Variants in PIGN observed in about 807,000 individuals in gnomAD.
PIGN encodes the protein GPI ethanolamine phosphate transferase 1.
A neutral mutation model predicts 125.4 loss-of-function variants in PIGN; 117 were observed. That is an observed-to-expected ratio of 0.93 (90% confidence interval 0.80 to 1.09). The LOEUF (loss-of-function observed/expected upper bound fraction) is 1.09. PIGN is among the 50% of genes least tolerant of loss of function. PIGN has a pLI of 0.00. For missense variants in PIGN, 1,075 were observed against 1,094.9 expected, an observed-to-expected ratio of 0.98 and a Z score of 0.26; for synonymous variants, 392 against 377.8, an observed-to-expected ratio of 1.04 and a Z score of -0.44.
chr18:62,183,004 G>A (rs1045887232), intron 1 of PIGN, among the ~76,000 whole-genome samples: 1 of 152,144 alleles, frequency 6.6e-6, no homozygotes, highest in African/African-American at 2.4e-5. Flanking sequence ...TTAGATAGAA[G>A]GAATAAGTTC....
chr18:62,049,409 A>T (rs1302102213), intron 30 of PIGN, among the ~76,000 whole-genome samples: 4 of 150,166 alleles, frequency 2.7e-5, no homozygotes, highest in Admixed American at 1.3e-4. Flanking sequence ...CTGGTGTGAG[A>T]TGGTATCTCA....
chr18:62,083,931 T>G (rs2033568642), intron 27 of PIGN, among the ~76,000 whole-genome samples: 1 of 152,142 alleles, frequency 6.6e-6, no homozygotes, highest in South Asian at 2.1e-4. Flanking sequence ...GTTTACTTTA[T>G]TTAAACAAAT....
chr18:62,052,139 GA>G (rs1284330795), intron 30 of PIGN: 25 of 152,074 alleles, frequency 1.6e-4, no homozygotes, highest in Non-Finnish European at 3.2e-4. Flanking sequence ...GTCAATTTTG[GA>G]ATAGGTGTGG....
chr18:62,132,236 C>T (rs1158624185), intron 14 of PIGN, among the ~76,000 whole-genome samples: 1 of 151,966 alleles, frequency 6.6e-6, no homozygotes, highest in African/African-American at 2.4e-5. Flanking sequence ...GTGAAAAAAA[C>T]CCACTGGACT....
At chr18:62,038,432 G>A (rs1207075373), downstream of PIGN, among the ~76,000 whole-genome samples, 2 of 150,820 alleles carry the variant, frequency 1.3e-5, no homozygotes, top group Non-Finnish European at 2.9e-5. Flanking sequence ...CTCAGTTGCA[G>A]CTTGAAAATC....
At chr18:62,039,048 G>A (rs2030299661), downstream of PIGN, among the ~76,000 whole-genome samples, 2 of 151,952 alleles carry the variant, frequency 1.3e-5, no homozygotes, top group South Asian at 2.1e-4. Flanking sequence ...AGTTACAGGA[G>A]TGAAAGAGCA....
chr18:62,101,048 C>G, intron 22 of PIGN, 27 bp downstream of exon 22: 1 of 1,175,448 alleles, frequency 8.5e-7, no homozygotes, highest in Non-Finnish European at 1.3e-6. Context: ...TGTCAAATTA[C>G]CTCACCTGGT....
chr18:62,089,247 G>A (rs977521499), intron 24 of PIGN, among the ~76,000 whole-genome samples: 3 of 151,998 alleles, frequency 2.0e-5, no homozygotes, highest in African/African-American at 7.2e-5. Context: ...AAAATTAAAT[G>A]TTTGTTTATT....
chr18:62,125,801 G>A (rs1369781830), intron 14 of PIGN, among the ~76,000 whole-genome samples: 1 of 151,910 alleles, frequency 6.6e-6, no homozygotes, highest in Non-Finnish European at 1.5e-5. Context: ...TTTAAGTCTT[G>A]CTTTAAAATG....
intron 22 of PIGN, among the ~76,000 whole-genome samples, chr18:62,096,462 T>C (rs1019986233): frequency 6.6e-6 from 1 of 151,558 alleles, no homozygotes. Flanking sequence ...ATTTTCTCAA[T>C]TTATATTCAG....
At chr18:62,088,066 G>A (rs563589512) in intron 25 of PIGN, among the ~76,000 whole-genome samples, 3 of 152,236 alleles carry the variant, frequency 2.0e-5, no homozygotes, top group African/African-American at 7.2e-5. Flanking sequence ...TGAGGCAATC[G>A]ATATGATAAT....
Position 62,044,732 on chromosome 18 carries a change from G to C in PIGN, c.*1124C>G, listed in dbSNP as rs568156549. 2 of 152,214 alleles carry C rather than the reference G, an allele frequency of 1.3e-5. No homozygotes were observed. Among genetic ancestry groups the C allele is most frequent in the African/African-American group, 4.8e-5 (2 of 41,530 alleles). 9.4% of individuals were successfully genotyped at this position (152,214 alleles called of 1,614,324 possible). A position where few individuals can be genotyped will look rare whatever the true frequency, so the allele number is the denominator to read the frequency against. On this transcript the variant is annotated 3_prime_UTR_variant, in exon 31 of 31. Coordinates refer to ENST00000640252, the MANE Select transcript of PIGN (RefSeq NM_176787.5). ...AGTAATGCTATAACTTAATTCAAAA[G>C]CAATTACTTCTTAAAAATAGGGCGC... is the stretch of plus-strand genomic sequence containing the variant.
intron 14 of PIGN, among the ~76,000 whole-genome samples, chr18:62,125,625 T>C (rs948480398): frequency 3.3e-5 from 5 of 152,104 alleles, no homozygotes; most frequent in African/African-American, 1.2e-4. Flanking sequence ...AGTGATTATA[T>C]ACGTGTATAC....
chr18:62,157,074 C>A, intron 6 of PIGN, 55 bp downstream of exon 6: 1 of 737,752 alleles, frequency 1.4e-6, no homozygotes, highest in South Asian at 2.5e-5. Flanking sequence ...AGAAAACTAC[C>A]ATATTGACTT....
intron 1 of PIGN, among the ~76,000 whole-genome samples, chr18:62,169,245 T>C (rs2037262449): frequency 6.6e-6 from 1 of 151,874 alleles, no homozygotes; most frequent in African/African-American, 2.4e-5. Context: ...TCTGAATTCT[T>C]CCACTGAGCA....
chr18:62,086,181 A>C (rs2033690622), intron 25 of PIGN, among the ~76,000 whole-genome samples: 1 of 152,226 alleles, frequency 6.6e-6, no homozygotes, highest in Admixed American at 6.5e-5. Context: ...AATAGAGGAG[A>C]GACATTTTAA....
At chr18:62,147,498 CA>C (rs2036377522) in intron 8 of PIGN, among the ~76,000 whole-genome samples, 1 of 152,066 alleles carries the variant, frequency 6.6e-6, no homozygotes, top group South Asian at 2.1e-4. Context: ...AATATAATAT[CA>C]TGTTTTGAAC....
Position 62,102,868 on chromosome 18 carries a change from G to T in PIGN, c.1894C>A (p.Leu632Met). ...GAGLLVLLLS[L>M]CVVTSLMKRK... ...TTCATGAGAGATGTTACAACACACA[G>T]GGATAACAGAAGAACCAGCAAGCCT... Residue 632 changes from leucine (L) to methionine (M), a missense_variant, in exon 21 of 31, where the codon CTG becomes ATG. This residue lies in a region of PIGN where 915 missense variants were observed against 908.7 expected (regional missense o/e 1.01). Coordinates refer to ENST00000640252, the MANE Select transcript of PIGN (RefSeq NM_176787.5). The T allele has an allele frequency of 6.3e-7, 1 of 1,585,928 alleles. No homozygotes were observed. Among genetic ancestry groups the T allele is most frequent in the Non-Finnish European group, 8.6e-7 (1 of 1,165,200 alleles).
intron 14 of PIGN, among the ~76,000 whole-genome samples, chr18:62,124,168 T>C (rs1327331732): frequency 6.6e-6 from 1 of 152,126 alleles, no homozygotes; most frequent in Admixed American, 6.6e-5. Flanking sequence ...GCCATTAAGA[T>C]CAGATTTTGA....
Sources: gnomAD v4.1 joint callset for allele counts (sites outside exome capture counted in the v4.1 genomes callset) on GRCh38, gnomAD v4.1.1 for gene constraint, gnomAD v4.1.1 regional missense constraint, MANE v1.5 for transcripts, NCBI Gene and HGNC (gene_info 2026-07-23, HGNC 2026-07-21) for gene names.